KIAA1671: variants seen among roughly 807,000 people sequenced by gnomAD.
KIAA1671 encodes the protein KIAA1671, also known as uncharacterized protein KIAA1671.
Under a neutral mutation model 131.2 loss-of-function variants are expected in KIAA1671, and 52 were observed. That is an observed-to-expected ratio of 0.40 (90% confidence interval 0.32 to 0.50). The LOEUF (loss-of-function observed/expected upper bound fraction) is 0.50. Ranked by LOEUF, KIAA1671 falls within the 20% of genes least tolerant of loss-of-function variation. The pLI is 0.73. For missense variants in KIAA1671, 2,360 were observed against 2,364.2 expected (o/e 1.00, Z 0.04); for synonymous variants, 1,003 against 961.6 (o/e 1.04, Z -0.80).
At chr22:25,098,021 T>G (rs537944619) in intron 6 of KIAA1671, among the ~76,000 whole-genome samples, 11 of 152,302 alleles carry the variant, frequency 7.2e-5, no homozygotes, top group African/African-American at 2.6e-4. Context: ...CGAGGAAGAC[T>G]TCTCCCTGTA....
intron 6 of KIAA1671, among the ~76,000 whole-genome samples, chr22:25,108,915 G>A (rs116682247): frequency 6.6e-6 from 1 of 152,284 alleles, no homozygotes; most frequent in African/African-American, 2.4e-5. Flanking sequence ...TGCTTCCATA[G>A]TGGCTCACTC....
chr22:25,170,023 C>G (rs888366488), intron 6 of KIAA1671, among the ~76,000 whole-genome samples: 5 of 152,138 alleles, frequency 3.3e-5, no homozygotes, highest in African/African-American at 1.2e-4. Flanking sequence ...ACGCCGTTCT[C>G]CTGCCTCAGC....
intron 6 of KIAA1671, chr22:25,064,007 G>C (rs1241651314): frequency 6.6e-6 from 1 of 152,188 alleles, no homozygotes; most frequent in Non-Finnish European, 1.5e-5. Context: ...TCCCTAACAC[G>C]ACCAGGCACT....
chr22:25,040,604 A>G lies in KIAA1671; in HGVS notation c.3474A>G (p.Gly1158=). ...ESANKMSPSG[G]APQTTPTLRS... ...CGAACAAGATGTCCCCCAGCGGCGG[A>G]GCTCCCCAAACCACCCCGACTCTGA... Residue 1158 remains glycine, a synonymous_variant, in exon 5 of 13, where the codon GGA becomes GGG. Coordinates refer to ENST00000358431, the MANE Select transcript of KIAA1671 (RefSeq NM_001145206.2). 2 of 1,551,752 alleles carry G rather than the reference A, an allele frequency of 1.3e-6. No individual in the cohort carries two copies. Among genetic ancestry groups the G allele is most frequent in the South Asian group, 1.2e-5 (1 of 84,054 alleles).
rs896578513 is a variant in KIAA1671 at position 25,038,845 on chromosome 22, C to T, written c.1715C>T (p.Thr572Met). The T allele has an allele frequency of 2.7e-5, 42 of 1,551,750 alleles. No homozygotes were observed. The highest frequency in any genetic ancestry group is 6.8e-5 in the African/African-American group (5 of 73,150). Residue 572 changes from threonine (T) to methionine (M), a missense_variant, in exon 5 of 13, where the codon ACG (threonine) becomes ATG (methionine). Transcript: ENST00000358431. ...ACACTCCGGGATAAGTCCAGGCAGA[C>T]GGAGCAGAAGGTTAGCTCTAACCAA... ...PGTLRDKSRQ[T>M]EQKVSSNQDP... is the part of the protein sequence containing the mutation.
chr22:25,158,112 T>C (rs923718657), intron 6 of KIAA1671, among the ~76,000 whole-genome samples: 6 of 152,230 alleles, frequency 3.9e-5, no homozygotes, highest in Admixed American at 2.0e-4. Context: ...TGAGCCACCA[T>C]GCCCAGCCCA....
At chr22:24,965,770 TGAGC>T (rs1922276379) in intron 1 of KIAA1671, among the ~76,000 whole-genome samples, 1 of 146,546 alleles carries the variant, frequency 6.8e-6, no homozygotes, top group Non-Finnish European at 1.5e-5. Flanking sequence ...AAGAAAAGGA[TGAGC>T]TTAAGGTTTT....
At chr22:25,105,087 G>A (rs1168112059) in intron 6 of KIAA1671, among the ~76,000 whole-genome samples, 3 of 151,604 alleles carry the variant, frequency 2.0e-5, no homozygotes, top group South Asian at 4.2e-4. Context: ...GCAATGGTGT[G>A]TTCTCAGCTC....
chr22:25,039,234 C>G lies in KIAA1671; in HGVS notation c.2104C>G (p.Arg702Gly). The part of the protein sequence containing the change: ...GELRPYHTPL[R>G]DKYPLSENHN... ...ACTGAGACCGTATCACACGCCTCTC[C>G]GGGACAAATACCCTTTGTCTGAAAA... is the stretch of plus-strand genomic sequence containing the variant. Residue 702 changes from arginine to glycine, a missense_variant, in exon 5 of 13, where the codon CGG becomes GGG. Arg to Gly is a moderately radical substitution (Grantham distance 125). This residue lies in a region of KIAA1671 where 1,185 missense variants were observed against 1,126.2 expected (regional missense o/e 1.05). Coordinates refer to ENST00000358431, the MANE Select transcript of KIAA1671 (RefSeq NM_001145206.2). 1.3e-6 allele frequency: 2 copies of G among 1,552,274 alleles called. No individual in the cohort carries two copies. The highest frequency in any genetic ancestry group is 2.4e-5 in the East Asian group (1 of 40,926).
intron 6 of KIAA1671, among the ~76,000 whole-genome samples, chr22:25,160,700 C>T (rs1038378070): frequency 2.0e-5 from 3 of 152,204 alleles, no homozygotes; most frequent in African/African-American, 7.2e-5. Flanking sequence ...CATCCAGCCA[C>T]ACCTGACTAC....
rs187185649 is a variant in KIAA1671 at position 24,956,363 on chromosome 22, C to G, written c.-208+3591C>G. Among the ~76,000 whole-genome samples, 299 of 152,328 alleles carry G rather than the reference C, an allele frequency of 2.0e-3. 1 individual carries two copies. Among genetic ancestry groups the G allele is most frequent in the Middle Eastern group, 3.4e-3 (1 of 294 alleles). On this transcript the variant is annotated intron_variant, in intron 1 of 12. Transcript: ENST00000358431. ...GTGGGGAGACATGGGGCACATTATTCCCATTTCACTGATGCAGGCCTCTGT... is the reference window on the plus strand; with the variant it reads ...GTGGGGAGACATGGGGCACATTATTGCCATTTCACTGATGCAGGCCTCTGT...
In KIAA1671 at chr22:25,039,048, A is replaced by G; in HGVS notation, c.1918A>G (p.Met640Val). Reference protein sequence around the residue: ...RCLSTTPPGDMAHARVSEPRP... With the variant: ...RCLSTTPPGDVAHARVSEPRP... ...TCTCTCCACCACACCCCCTGGTGAC[A>G]TGGCCCATGCCCGTGTCTCAGAACC... The change falls in exon 5 of 13, where the codon ATG (methionine) becomes GTG (valine). Residue 640 changes from methionine (M) to valine (V), a missense_variant. Met to Val is a conservative substitution (Grantham distance 21). Transcript: ENST00000358431. The G allele has an allele frequency of 6.4e-7, 1 of 1,551,754 alleles. No individual in the cohort carries two copies. Among genetic ancestry groups the G allele is most frequent in the African/African-American group, 1.4e-5 (1 of 73,190 alleles).
chr22:25,030,303 G>A (rs1019133945), intron 3 of KIAA1671, among the ~76,000 whole-genome samples: 23 of 152,284 alleles, frequency 1.5e-4, no homozygotes, highest in South Asian at 4.1e-4. Flanking sequence ...TCGGGAGGCC[G>A]AGGCGGGTGG....
At chr22:25,184,536 G>A (rs1437506105) in intron 10 of KIAA1671, among the ~76,000 whole-genome samples, 1 of 152,170 alleles carries the variant, frequency 6.6e-6, no homozygotes, top group African/African-American at 2.4e-5. Flanking sequence ...TCCAAAAATG[G>A]GTGGATATTT....
rs1056078010 is a variant in KIAA1671 at position 24,952,730 on chromosome 22, GC to G, written c.-249del. ...GCTCCCAGGGCAGGTGCCGCGGGCTGCGGGCAGGTGGCGGCGCGGCGCGGGC... is the reference window on the plus strand; with the variant it reads ...GCTCCCAGGGCAGGTGCCGCGGGCTGGGGCAGGTGGCGGCGCGGCGCGGGC... On this transcript the variant is annotated 5_prime_UTR_variant, in exon 1 of 13. Coordinates refer to ENST00000358431, the MANE Select transcript of KIAA1671 (RefSeq NM_001145206.2). This position sits in a 1 kb window ranked among gnomAD's most constrained non-coding sequence, Gnocchi z 4.5. The G allele has an allele frequency of 1.9e-5, 3 of 154,788 alleles. No homozygotes were observed. Among genetic ancestry groups the G allele is most frequent in the Non-Finnish European group, 4.3e-5 (3 of 69,880 alleles). 9.6% of individuals were successfully genotyped at this position (154,788 alleles called of 1,614,324 possible).
At chr22:25,124,136 T>G (rs559013590) in intron 6 of KIAA1671, among the ~76,000 whole-genome samples, 2 of 152,182 alleles carry the variant, frequency 1.3e-5, no homozygotes, top group Admixed American at 6.5e-5. Context: ...CTTTTAGGAG[T>G]TGGCATGAAT....
chr22:24,986,483 C>CA (rs565802786), intron 1 of KIAA1671, among the ~76,000 whole-genome samples: 2,221 of 151,412 alleles, frequency 0.015, 54 homozygotes, highest in African/African-American at 0.05. Flanking sequence ...TGGAATATGA[C>CA]AAGAAAAAAA....
At chr22:25,185,899 G>A (rs5996851) in intron 11 of KIAA1671, 49,523 of 152,038 alleles carry the variant, frequency 0.33, 8,465 homozygotes, top group East Asian at 0.47. Context: ...GAAGTACTCA[G>A]TGAAGCAGAG....
rs191298500 is a variant in KIAA1671 at position 25,009,115 on chromosome 22, T to G, written c.-207-16518T>G. On this transcript the variant is annotated intron_variant, in intron 1 of 12. Transcript: ENST00000358431. ...TGGAGTGGAGGGGAGAGTGCAGTGC[T>G]GTGGACAGAGATGGACCCGAGACTT... 3.0e-4 allele frequency among the ~76,000 whole-genome samples: 45 copies of G among 152,254 alleles called. No homozygotes were observed. The Middle Eastern group carries it at 0.014, about 46-fold the overall frequency.
Sources: allele counts gnomAD v4.1 joint callset (sites outside exome capture counted in the v4.1 genomes callset), GRCh38; gene constraint gnomAD v4.1.1; regional missense constraint gnomAD v4.1.1; non-coding constraint Gnocchi (gnomAD v3.1); transcripts MANE v1.5; gene names NCBI Gene and HGNC (gene_info 2026-07-23, HGNC 2026-07-21).